Variants in PLEKHA7 observed in about 807,000 individuals in gnomAD.
The protein encoded by PLEKHA7 is pleckstrin homology domain-containing family A member 7.
A neutral mutation model predicts 170.0 loss-of-function variants in PLEKHA7; 104 were observed. The ratio of observed to expected loss-of-function variants is 0.61; its 90% CI spans 0.52 to 0.72. The LOEUF (loss-of-function observed/expected upper bound fraction) is 0.72. Among genes scored for constraint, PLEKHA7 ranks in the 30% least tolerant of loss-of-function variants. The pLI, the probability that PLEKHA7 is intolerant of heterozygous loss-of-function variation, is 0.00. For missense variants in PLEKHA7, 1,615 were observed against 1,671.7 expected (o/e 0.97, Z 0.59); for synonymous variants, 648 against 660.8 (o/e 0.98, Z 0.30).
At chr11:16,786,694 A>G (rs1564903709) in intron 23 of PLEKHA7, 1 of 985,412 alleles carries the variant, frequency 1.0e-6, no homozygotes, top group Non-Finnish European at 1.2e-6. Context: ...GGTGACCTCC[A>G]AACAACTTGG....
chr11:16,972,445 T>G (rs1249174435), intron 3 of PLEKHA7, among the ~76,000 whole-genome samples: 1 of 151,742 alleles, frequency 6.6e-6, no homozygotes, highest in African/African-American at 2.4e-5. Context: ...AACCAGTCTC[T>G]CTGTTGCCCA....
intron 3 of PLEKHA7, among the ~76,000 whole-genome samples, chr11:16,921,628 C>T (rs1859097040): frequency 6.6e-6 from 1 of 152,214 alleles, no homozygotes; most frequent in Non-Finnish European, 1.5e-5. Context: ...ATAACAATTA[C>T]AATCCCTAAC....
At chr11:16,936,401 C>CAATAA (rs1554976416) in intron 3 of PLEKHA7, among the ~76,000 whole-genome samples, 2 of 68,150 alleles carry the variant, frequency 2.9e-5, no homozygotes, top group Non-Finnish European at 5.8e-5. Context: ...GACTCTGTCT[C>CAATAA]AAAAAAAAAA....
intron 13 of PLEKHA7, among the ~76,000 whole-genome samples, chr11:16,805,948 C>G (rs926767473): frequency 3.9e-5 from 6 of 152,212 alleles, no homozygotes; most frequent in Admixed American, 3.3e-4. Flanking sequence ...GGTGCTCTTT[C>G]CACACGTTGC....
intron 3 of PLEKHA7, among the ~76,000 whole-genome samples, chr11:16,904,838 G>A (rs1044727853): frequency 3.3e-5 from 5 of 152,002 alleles, no homozygotes; most frequent in African/African-American, 9.7e-5. Flanking sequence ...AAAAGATAAC[G>A]CAATGTTAAC....
At chr11:16,859,073 C>G (rs1176454211) in intron 4 of PLEKHA7, among the ~76,000 whole-genome samples, 1 of 152,210 alleles carries the variant, frequency 6.6e-6, no homozygotes, top group Non-Finnish European at 1.5e-5. Context: ...AAAGTTCAAA[C>G]TATATATGCC....
intron 3 of PLEKHA7, among the ~76,000 whole-genome samples, chr11:16,979,252 A>T (rs992138602): frequency 2.6e-5 from 4 of 151,960 alleles, no homozygotes; most frequent in Admixed American, 6.6e-5. Context: ...CTGGTCTCGA[A>T]CTCCTAACCT....
chr11:16,799,497 T>C (rs566372510), intron 17 of PLEKHA7, among the ~76,000 whole-genome samples: 1 of 152,266 alleles, frequency 6.6e-6, no homozygotes, highest in South Asian at 2.1e-4. Context: ...AGACACGTAT[T>C]CATGTACCAT....
At chr11:16,970,085 T>C (rs1565166633) in intron 3 of PLEKHA7, among the ~76,000 whole-genome samples, 1 of 152,130 alleles carries the variant, frequency 6.6e-6, no homozygotes, top group Non-Finnish European at 1.5e-5. Flanking sequence ...AGGTGAAAAC[T>C]TTTTCTATGT....
At position 16,958,898 on chromosome 11, in the gene PLEKHA7, C is replaced by T. The variant is rs368508944; in HGVS notation, c.221+55091G>A. 6.6e-5 allele frequency among the ~76,000 whole-genome samples: 10 copies of T among 152,150 alleles called. No individual in the cohort carries two copies. In the East Asian group the frequency reaches 1.2e-3, roughly 18 times the overall value. The stretch of plus-strand genomic sequence containing the variant: ...AACCCAGAAGCAGAATGGGCAGTAC[C>T]CATTGGAAAAACAGAAGTGTCAATG... On this transcript the variant is annotated intron_variant, in intron 3 of 26. Coordinates refer to ENST00000531066, the MANE Select transcript of PLEKHA7 (RefSeq NM_001329630.2).
chr11:16,941,890 A>C (rs945045198), intron 3 of PLEKHA7, among the ~76,000 whole-genome samples: 1 of 152,220 alleles, frequency 6.6e-6, no homozygotes, highest in Non-Finnish European at 1.5e-5. Context: ...ATAAGCAACA[A>C]ACACATCTTG....
At chr11:16,795,042 T>G in intron 17 of PLEKHA7, 24 bp from the exon 18 acceptor site, 1 of 1,544,158 alleles carries the variant, frequency 6.5e-7, no homozygotes, top group Non-Finnish European at 9.0e-7. Context: ...AGTGGTGGGT[T>G]TGCCTTCTTA....
intron 12 of PLEKHA7, among the ~76,000 whole-genome samples, chr11:16,814,472 AG>A (rs1274082393): frequency 6.6e-6 from 1 of 152,180 alleles, no homozygotes; most frequent in Admixed American, 6.5e-5. Context: ...GGACAACCCC[AG>A]GGAGGGATCC....
intron 8 of PLEKHA7, among the ~76,000 whole-genome samples, chr11:16,843,994 G>T (rs1037495705): frequency 3.3e-5 from 5 of 152,056 alleles, no homozygotes; most frequent in African/African-American, 1.2e-4. Flanking sequence ...ATGTCTTACT[G>T]AAAATCAGCA....
At chr11:16,835,699 T>A (rs1248416008) in intron 9 of PLEKHA7, among the ~76,000 whole-genome samples, 2 of 152,144 alleles carry the variant, frequency 1.3e-5, no homozygotes, top group Non-Finnish European at 2.9e-5. Flanking sequence ...GCATGCATAA[T>A]TTGCACAAGA....
At chr11:16,816,708 T>C (rs1849782158) in intron 11 of PLEKHA7, 92 bp downstream of exon 11, 2 of 1,445,306 alleles carry the variant, frequency 1.4e-6, no homozygotes, top group African/African-American at 1.4e-5. Context: ...ATCATTATTA[T>C]CCCAAATTAC....
At chr11:16,924,312 C>T (rs1034097086) in intron 3 of PLEKHA7, among the ~76,000 whole-genome samples, 6 of 152,228 alleles carry the variant, frequency 3.9e-5, no homozygotes, top group Admixed American at 3.9e-4. Flanking sequence ...TGACACCTGA[C>T]AGACACCTCT....
intron 3 of PLEKHA7, among the ~76,000 whole-genome samples, chr11:16,906,532 A>G (rs1425306346): frequency 1.2e-4 from 16 of 138,726 alleles, no homozygotes; most frequent in African/African-American, 1.6e-4. Context: ...TGTGTTGGCC[A>G]GGCTGGTCTC....
intron 3 of PLEKHA7, among the ~76,000 whole-genome samples, chr11:17,013,517 G>T (rs6486340): frequency 2.0e-5 from 3 of 151,684 alleles, no homozygotes; most frequent in African/African-American, 7.3e-5. Flanking sequence ...AGCCTGCGGC[G>T]GGAGAGGGGG....
Sources: allele counts gnomAD v4.1 joint callset (sites outside exome capture counted in the v4.1 genomes callset), GRCh38; gene constraint gnomAD v4.1.1; transcripts MANE v1.5; gene names NCBI Gene and HGNC (gene_info 2026-07-23, HGNC 2026-07-21).